The following PLEKHG1 variants were observed in gnomAD, a reference collection of about 807,000 sequenced individuals.
The protein encoded by PLEKHG1 is pleckstrin homology domain-containing family G member 1.
In PLEKHG1, 44 loss-of-function variants were observed where a neutral mutation model predicts 100.8. The observed-to-expected ratio is 0.44, with a 90% CI of 0.34 to 0.56. The LOEUF (loss-of-function observed/expected upper bound fraction) is 0.56, where lower values mean the gene tolerates loss of function less well. Among genes scored for constraint, PLEKHG1 ranks in the 20% least tolerant of loss-of-function variants. PLEKHG1 has a pLI of 0.01. For synonymous variants in PLEKHG1, 640 were observed against 662.5 expected (o/e 0.97, Z 0.52); for missense variants, 1,545 against 1,720.9 (o/e 0.90, Z 1.81).
At chr6:150,709,727 G>A (rs1484538726) in intron 3 of PLEKHG1, among the ~76,000 whole-genome samples, 2 of 152,216 alleles carry the variant, frequency 1.3e-5, no homozygotes, top group African/African-American at 4.8e-5. Context: ...CATTTCATGA[G>A]CCGTAGGTGA....
intron 3 of PLEKHG1, among the ~76,000 whole-genome samples, chr6:150,776,830 C>T (rs1366146624): frequency 1.3e-5 from 2 of 151,834 alleles, no homozygotes; most frequent in Non-Finnish European, 2.9e-5. Flanking sequence ...TCCTGGCGTA[C>T]ATGTGCGGTT....
At chr6:150,680,241 A>G (rs1385514136) in intron 3 of PLEKHG1, among the ~76,000 whole-genome samples, 3 of 152,316 alleles carry the variant, frequency 2.0e-5, no homozygotes, top group East Asian at 3.9e-4. Context: ...AAAGGAAGTG[A>G]CATGCAAGTG....
At chr6:150,764,094 A>C (rs1464451275) in intron 2 of PLEKHG1, among the ~76,000 whole-genome samples, 1 of 150,138 alleles carries the variant, frequency 6.7e-6, no homozygotes, top group Non-Finnish European at 1.5e-5. Context: ...GCAGCTTTAT[A>C]GCTTCTCTCC....
intron 3 of PLEKHG1, among the ~76,000 whole-genome samples, chr6:150,685,229 T>A (rs906131482): frequency 1.1e-4 from 17 of 151,872 alleles, no homozygotes; most frequent in Admixed American, 3.3e-4. Context: ...GCCACCCCAC[T>A]CCCACAGGGC....
chr6:150,727,554 T>C (rs1324738888), intron 1 of PLEKHG1, among the ~76,000 whole-genome samples: 1 of 151,978 alleles, frequency 6.6e-6, no homozygotes, highest in Admixed American at 6.6e-5. Flanking sequence ...TATGAAAGTC[T>C]AGCTACATAG....
chr6:150,793,244 A>G (rs1194214233), intron 4 of PLEKHG1, among the ~76,000 whole-genome samples: 1 of 152,036 alleles, frequency 6.6e-6, no homozygotes, highest in Non-Finnish European at 1.5e-5. Flanking sequence ...TCTCCATAAA[A>G]AGTTTTAAAC....
chr6:150,743,417 T>A (rs1280315238), intron 2 of PLEKHG1, among the ~76,000 whole-genome samples: 5 of 152,254 alleles, frequency 3.3e-5, no homozygotes, highest in Admixed American at 1.3e-4. Context: ...TCCCAGCTAC[T>A]CAGGAGGCTG....
intron 10 of PLEKHG1, among the ~76,000 whole-genome samples, chr6:150,815,111 C>T (rs1787787409): frequency 2.0e-5 from 3 of 152,226 alleles, no homozygotes; most frequent in Admixed American, 6.5e-5. Flanking sequence ...GAACTTTCCA[C>T]ATCTTTCCTC....
intron 1 of PLEKHG1, among the ~76,000 whole-genome samples, chr6:150,613,006 G>A (rs972489091): frequency 3.3e-5 from 5 of 152,112 alleles, no homozygotes; most frequent in African/African-American, 7.2e-5. Flanking sequence ...AGTCCATGGG[G>A]TAGCCTGTGA....
chr6:150,830,731 A>G lies in PLEKHG1; in HGVS notation c.1620A>G (p.Gln540=), dbSNP rs777526418. The G allele has an allele frequency of 2.5e-6, 4 of 1,614,204 alleles. No homozygotes were observed. The Admixed American group carries it at 6.7e-5, about 27-fold the overall frequency. The change falls in exon 15 of 16, where the codon CAA becomes CAG. Residue 540 remains glutamine (Q), a synonymous_variant. Transcript: ENST00000358517. ...TCTGGACCGATCACCAGATCAGGCA[A>G]GCCTTGTTTCCCAGCCGACGGTCCC...
intron 3 of PLEKHG1, among the ~76,000 whole-genome samples, chr6:150,784,841 C>T (rs1785521496): frequency 6.6e-6 from 1 of 151,998 alleles, no homozygotes; most frequent in Admixed American, 6.6e-5. Flanking sequence ...ATAGTATACT[C>T]TGAGGCTAAC....
intron 3 of PLEKHG1, among the ~76,000 whole-genome samples, chr6:150,782,771 A>G (rs1785387769): frequency 6.6e-6 from 1 of 152,230 alleles, no homozygotes. Flanking sequence ...CCTGATGCCA[A>G]AAGTTTCAGA....
At position 150,761,104 on chromosome 6, in the gene PLEKHG1, T is replaced by C. The variant is rs540067205; in HGVS notation, c.412-7534T>C. 6.5e-4 allele frequency among the ~76,000 whole-genome samples: 60 copies of C among 93,008 alleles called. 1 individual carries two copies. The highest frequency in any genetic ancestry group is 6.4e-3 in the East Asian group (14 of 2,196). 61.0% of individuals were successfully genotyped at this position (93,008 alleles called of 152,430 possible). On this transcript the variant is annotated intron_variant, in intron 2 of 15. Coordinates refer to ENST00000358517, the Ensembl canonical transcript of PLEKHG1. ...ATTGATTTCTTTCTTTTTTTCTTTT[T>C]TTTTTTTTTTTTTTTTTTTGAGACA... is the stretch of plus-strand genomic sequence containing the variant.
intron 10 of PLEKHG1, among the ~76,000 whole-genome samples, chr6:150,813,840 G>T (rs185052346): frequency 2.7e-4 from 41 of 152,242 alleles, no homozygotes; most frequent in Admixed American, 2.5e-3. Flanking sequence ...GAACTAGGGT[G>T]GTGGGTGGAT....
intron 15 of PLEKHG1, among the ~76,000 whole-genome samples, chr6:150,838,560 A>G (rs1169448636): frequency 1.3e-5 from 2 of 152,228 alleles, no homozygotes; most frequent in Non-Finnish European, 2.9e-5. Flanking sequence ...GGTTGTGCAG[A>G]TACCTGGATT....
chr6:150,750,328 A>G (rs1050319507), intron 2 of PLEKHG1, among the ~76,000 whole-genome samples: 10 of 152,162 alleles, frequency 6.6e-5, no homozygotes, highest in Admixed American at 1.3e-4. Context: ...CATGGGAGTC[A>G]CCTGGGGAGC....
intron 5 of PLEKHG1, among the ~76,000 whole-genome samples, chr6:150,800,218 A>G (rs1216555516): frequency 6.6e-6 from 1 of 152,144 alleles, no homozygotes; most frequent in Non-Finnish European, 1.5e-5. Flanking sequence ...CAGTTTGTGC[A>G]TCATATAAAA....
At chr6:150,798,678 A>G (rs776956035) in intron 5 of PLEKHG1, among the ~76,000 whole-genome samples, 11 of 152,246 alleles carry the variant, frequency 7.2e-5, no homozygotes, top group Non-Finnish European at 1.3e-4. Context: ...ATAAATATAA[A>G]TTAACACAGG....
At chr6:150,806,346 A>G (rs1787101665) in intron 7 of PLEKHG1, among the ~76,000 whole-genome samples, 2 of 147,320 alleles carry the variant, frequency 1.4e-5, no homozygotes, top group Non-Finnish European at 3.0e-5. Context: ...CCGCAGTTTC[A>G]CTTTCTGCAG....
Sources: allele counts gnomAD v4.1 joint callset (sites outside exome capture counted in the v4.1 genomes callset), GRCh38; gene constraint gnomAD v4.1.1; transcripts MANE v1.5; gene names NCBI Gene and HGNC (gene_info 2026-07-23, HGNC 2026-07-21).